THRB: variants seen among roughly 807,000 people sequenced by gnomAD.
THRB encodes nuclear receptor subfamily 1 group A member 2.
Under a neutral mutation model 47.8 loss-of-function variants are expected in THRB, and 12 were observed. The observed-to-expected ratio is 0.25, with a 90% CI of 0.16 to 0.41. The LOEUF (loss-of-function observed/expected upper bound fraction) is 0.41. Among genes scored for constraint, THRB ranks in the 10% least tolerant of loss-of-function variants. The pLI is 1.00. For synonymous variants in THRB, 218 were observed against 212.2 expected, an observed-to-expected ratio of 1.03 and a Z score of -0.24; for missense variants, 348 against 589.2, an observed-to-expected ratio of 0.59 and a Z score of 4.24.
intron 4 of THRB, among the ~76,000 whole-genome samples, chr3:24,195,221 G>A (rs932133577): frequency 2.6e-5 from 4 of 152,104 alleles, no homozygotes; most frequent in Non-Finnish European, 4.4e-5. Context: ...CATTTACTAT[G>A]AGCCAGGAAC....
intron 1 of THRB, among the ~76,000 whole-genome samples, chr3:24,481,302 C>T (rs1461910676): frequency 7.5e-6 from 1 of 133,126 alleles, no homozygotes; most frequent in Non-Finnish European, 1.5e-5. Context: ...ACAACCTATT[C>T]CCTTATTTAT....
At chr3:24,162,306 G>T (rs1034083947) in intron 5 of THRB, among the ~76,000 whole-genome samples, 1 of 151,820 alleles carries the variant, frequency 6.6e-6, no homozygotes, top group Non-Finnish European at 1.5e-5. Flanking sequence ...CAAACTTACT[G>T]CCTTCTTCTC....
At chr3:24,290,319 G>A (rs1231113375) in intron 3 of THRB, among the ~76,000 whole-genome samples, 2 of 152,154 alleles carry the variant, frequency 1.3e-5, no homozygotes, top group African/African-American at 2.4e-5. Flanking sequence ...CATTTGGAGT[G>A]TCTGCCTGCC....
chr3:24,367,208 G>A (rs1310213042), intron 1 of THRB, among the ~76,000 whole-genome samples: 1 of 152,202 alleles, frequency 6.6e-6, no homozygotes, highest in African/African-American at 2.4e-5. Flanking sequence ...AGTAGGGACA[G>A]AGGTCAACGA....
chr3:24,467,635 T>A (rs763312448), intron 1 of THRB, among the ~76,000 whole-genome samples: 4 of 152,220 alleles, frequency 2.6e-5, no homozygotes, highest in Admixed American at 6.5e-5. Context: ...GGTGACTAGA[T>A]GCATTGTCAG....
intron 4 of THRB, among the ~76,000 whole-genome samples, chr3:24,200,412 T>C (rs2044454428): frequency 6.6e-6 from 1 of 152,048 alleles, no homozygotes; most frequent in African/African-American, 2.4e-5. Flanking sequence ...AAACTTAAGA[T>C]TTATAATTTC....
At chr3:24,150,240 G>C (rs572280374) in intron 6 of THRB, among the ~76,000 whole-genome samples, 3 of 152,252 alleles carry the variant, frequency 2.0e-5, no homozygotes, top group Non-Finnish European at 2.9e-5. Flanking sequence ...TTGCAAGTAT[G>C]GGGTAGAAAT....
chr3:24,331,218 A>G lies in THRB; in HGVS notation c.-189+6082T>C, dbSNP rs545772344. 1.4e-4 allele frequency among the ~76,000 whole-genome samples: 21 copies of G among 152,288 alleles called. No homozygotes were observed. The South Asian group carries it at 4.1e-3, about 30-fold the overall frequency. ...TTATTTGGGAGCCTATACGTTTATG[A>G]AAATATGATTACCAAACTCATAAGT... On this transcript the variant is annotated intron_variant, in intron 2 of 10. Coordinates refer to ENST00000646209, the MANE Select transcript of THRB (RefSeq NM_001354712.2).
intron 3 of THRB, among the ~76,000 whole-genome samples, chr3:24,231,131 A>T (rs2048219447): frequency 6.6e-6 from 1 of 152,218 alleles, no homozygotes; most frequent in Non-Finnish European, 1.5e-5. Context: ...CCTTTTTACA[A>T]TAAGCTGGTT....
At chr3:24,483,554 C>G (rs1696801946) in intron 1 of THRB, among the ~76,000 whole-genome samples, 1 of 150,428 alleles carries the variant, frequency 6.6e-6, no homozygotes, top group African/African-American at 2.4e-5. Context: ...GATTCATCAG[C>G]AAGTTCCCAA....
intron 3 of THRB, among the ~76,000 whole-genome samples, chr3:24,287,080 CT>C (rs2055382577): frequency 6.6e-6 from 1 of 152,194 alleles, no homozygotes; most frequent in Non-Finnish European, 1.5e-5. Flanking sequence ...GAAATCCAGG[CT>C]TTTGCAGAGT....
At chr3:24,293,315 G>A (rs2056132971) in intron 3 of THRB, among the ~76,000 whole-genome samples, 1 of 152,140 alleles carries the variant, frequency 6.6e-6, no homozygotes, top group South Asian at 2.1e-4. Flanking sequence ...TCCCTTCCTA[G>A]GCTGTGCCCC....
intron 4 of THRB, among the ~76,000 whole-genome samples, chr3:24,222,312 G>T (rs1019271778): frequency 1.3e-5 from 2 of 152,204 alleles, no homozygotes; most frequent in South Asian, 4.1e-4. Flanking sequence ...AGGTAAGTGA[G>T]GTCCCAAGGA....
chr3:24,401,485 A>G (rs1010423613), intron 1 of THRB, among the ~76,000 whole-genome samples: 3 of 151,966 alleles, frequency 2.0e-5, no homozygotes, highest in Non-Finnish European at 2.9e-5. Flanking sequence ...TTCGTTATTG[A>G]TTTTACTATT....
intron 3 of THRB, among the ~76,000 whole-genome samples, chr3:24,273,844 G>A (rs1442894138): frequency 6.7e-6 from 1 of 150,334 alleles, no homozygotes; most frequent in Non-Finnish European, 1.5e-5. Flanking sequence ...TTTCTGGCAA[G>A]GATTTTGGAT....
At chr3:24,217,165 C>T (rs1359977384) in intron 4 of THRB, among the ~76,000 whole-genome samples, 2 of 151,006 alleles carry the variant, frequency 1.3e-5, no homozygotes, top group Admixed American at 6.6e-5. Flanking sequence ...AATTGGGGTA[C>T]AAGAATATTC....
intron 2 of THRB, among the ~76,000 whole-genome samples, chr3:24,301,725 C>T (rs1348828544): frequency 2.0e-5 from 3 of 152,156 alleles, no homozygotes; most frequent in African/African-American, 7.2e-5. Context: ...TTGCCGAATC[C>T]TGTAAAAATG....
chr3:24,445,789 A>T (rs1310649478), intron 1 of THRB, among the ~76,000 whole-genome samples: 2 of 152,206 alleles, frequency 1.3e-5, no homozygotes, highest in East Asian at 1.9e-4. Flanking sequence ...GTGAAAAAAG[A>T]TGTAATGCAA....
chr3:24,376,478 T>G (rs1032291063), intron 1 of THRB, among the ~76,000 whole-genome samples: 1 of 152,152 alleles, frequency 6.6e-6, no homozygotes, highest in African/African-American at 2.4e-5. Context: ...GGGGGTTTCT[T>G]GAGCCTTTAG....
Sources: allele counts gnomAD v4.1 joint callset (sites outside exome capture counted in the v4.1 genomes callset), GRCh38; gene constraint gnomAD v4.1.1; transcripts MANE v1.5; gene names NCBI Gene and HGNC (gene_info 2026-07-23, HGNC 2026-07-21).